The following ZPBP variants were observed in gnomAD, a reference collection of about 807,000 sequenced individuals.
The protein encoded by ZPBP is zona pellucida binding protein, also known as zona pellucida-binding protein 1.
Under a neutral mutation model 44.8 loss-of-function variants are expected in ZPBP, and 26 were observed. The observed-to-expected ratio is 0.58, with a 90% CI of 0.43 to 0.81. The LOEUF (loss-of-function observed/expected upper bound fraction) is 0.81. Among genes scored for constraint, ZPBP ranks in the 30% least tolerant of loss-of-function variants. ZPBP has a pLI of 0.00. For synonymous variants in ZPBP, 174 were observed against 153.2 expected (o/e 1.14, Z -1.00); for missense variants, 409 against 434.0 (o/e 0.94, Z 0.51).
chr7:50,036,772 TAGAA>T (rs1799849209), intron 4 of ZPBP, among the ~76,000 whole-genome samples: 1 of 151,436 alleles, frequency 6.6e-6, no homozygotes, highest in South Asian at 2.1e-4. Context: ...ACCCAAAAAA[TAGAA>T]AGAAAATAAG....
intron 4 of ZPBP, 83 bp downstream of exon 4, chr7:50,057,906 C>G (rs1801045420): frequency 7.8e-7 from 1 of 1,282,078 alleles, no homozygotes; most frequent in Non-Finnish European, 1.1e-6. Context: ...TAACAAAGTC[C>G]CTTTAAGACA....
intron 3 of ZPBP, among the ~76,000 whole-genome samples, chr7:50,069,872 G>A (rs757691670): frequency 1.1e-4 from 16 of 152,076 alleles, no homozygotes; most frequent in Middle Eastern, 6.8e-3. Flanking sequence ...CTTATGCAAC[G>A]TCCTCAGTCT....
intron 2 of ZPBP, 73 bp from the exon 3 acceptor site, chr7:50,081,972 T>A: frequency 6.5e-7 from 1 of 1,547,398 alleles, no homozygotes; most frequent in Admixed American, 1.8e-5. Flanking sequence ...TACACTTTTG[T>A]AGTTTGGGTT....
intron 6 of ZPBP, among the ~76,000 whole-genome samples, chr7:50,011,708 C>A (rs1194483003): frequency 6.6e-6 from 1 of 151,966 alleles, no homozygotes; most frequent in Admixed American, 6.6e-5. Flanking sequence ...TAGGAAAATT[C>A]CCAAAATCTG....
chr7:49,911,956 C>A, intron 1 of ZPBP: 6 of 1,162,316 alleles, frequency 5.2e-6, no homozygotes, highest in Non-Finnish European at 7.0e-6. Context: ...CATATATATA[C>A]TGTAATGCTT....
chr7:50,089,154 T>C (rs1202176471), intron 2 of ZPBP, among the ~76,000 whole-genome samples: 1 of 152,086 alleles, frequency 6.6e-6, no homozygotes, highest in Non-Finnish European at 1.5e-5. Context: ...ATAGGGGCAA[T>C]GGTTGCCTAA....
chr7:49,905,417 CA>C (rs1332308679), intron 1 of ZPBP, among the ~76,000 whole-genome samples: 1 of 152,122 alleles, frequency 6.6e-6, no homozygotes, highest in Non-Finnish European at 1.5e-5. Context: ...ACTAAATAAA[CA>C]AAAAGGAAGC....
In ZPBP at chr7:50,081,772, A is replaced by G. The variant is rs1802366024; in HGVS notation, c.334+2T>C. ...ATTACAATAATTGAAACAAAATCCT[A>G]CCTGAAACAACTTTTCCTTTAGGCC... On this transcript the variant is annotated splice_donor_variant, in intron 3 of 7. Transcript: ENST00000046087. LOFTEE classifies it high-confidence loss of function. 1.2e-6 allele frequency: 2 copies of G among 1,610,764 alleles called. No homozygotes were observed. Among genetic ancestry groups the G allele is most frequent in the Non-Finnish European group, 1.7e-6 (2 of 1,177,834 alleles).
rs561209863 is a variant in ZPBP, at chr7:50,005,342, T to G, written c.783+12898A>C. 2.0e-5 allele frequency among the ~76,000 whole-genome samples: 3 copies of G among 151,990 alleles called. No individual in the cohort carries two copies. In the South Asian group the frequency reaches 6.2e-4, roughly 31 times the overall value. ...TATAAAGTAATTCTGTAAACAAAAA[T>G]ATATAGAAAAATATAAAACCCTGCA... On this transcript the variant is annotated intron_variant, in intron 6 of 7. Transcript: ENST00000046087.
chr7:49,916,813 C>G (rs1304757052), intron 1 of ZPBP: 1 of 152,152 alleles, frequency 6.6e-6, no homozygotes, highest in Non-Finnish European at 1.5e-5. Context: ...TATCAAATAT[C>G]TAAGTCACAG....
intron 2 of ZPBP, among the ~76,000 whole-genome samples, chr7:49,867,441 C>T (rs551750813): frequency 3.9e-5 from 6 of 152,262 alleles, no homozygotes; most frequent in Non-Finnish European, 4.4e-5. Context: ...AACTGAGAGG[C>T]GGAGGTGGGC....
chr7:50,046,085 G>A lies in ZPBP; in HGVS notation c.487+11904C>T, dbSNP rs182209900. On this transcript the variant is annotated intron_variant, in intron 4 of 7. Coordinates refer to ENST00000046087, the MANE Select transcript of ZPBP (RefSeq NM_007009.3). ...TTAATAAATGGTGTTGGGAAAACTG[G>A]CTAGCCATATGCAGAAAACTGAAAC... Among the ~76,000 whole-genome samples the A allele has an allele frequency of 1.7e-3, 264 of 152,264 alleles. 3 individuals carry two copies. The highest frequency in any genetic ancestry group is 5.9e-3 in the African/African-American group (247 of 41,548).
At chr7:49,845,023 C>G in the ZPBP span, among the ~76,000 whole-genome samples, 1 of 152,110 alleles carries the variant, frequency 6.6e-6, no homozygotes, top group Non-Finnish European at 1.5e-5. Context: ...TTCACTTTTC[C>G]TTTTTCAAAA....
chr7:50,048,258 A>G (rs1800486841), intron 4 of ZPBP, among the ~76,000 whole-genome samples: 1 of 152,138 alleles, frequency 6.6e-6, no homozygotes, highest in African/African-American at 2.4e-5. Flanking sequence ...GAGGAATTAG[A>G]TAATTCAATA....
At chr7:50,040,507 A>T (rs747101746) in intron 4 of ZPBP, among the ~76,000 whole-genome samples, 1 of 152,186 alleles carries the variant, frequency 6.6e-6, no homozygotes, top group Non-Finnish European at 1.5e-5. Flanking sequence ...AATGCAGCCT[A>T]CAGTGGGCGA....
At chr7:49,947,057 A>T (rs1336950756) in intron 7 of ZPBP, among the ~76,000 whole-genome samples, 1 of 151,748 alleles carries the variant, frequency 6.6e-6, no homozygotes, top group African/African-American at 2.4e-5. Context: ...AATTATTTCA[A>T]TTTCTTTGTT....
At chr7:49,956,479 A>G (rs967484513) in intron 7 of ZPBP, among the ~76,000 whole-genome samples, 2 of 152,110 alleles carry the variant, frequency 1.3e-5, no homozygotes, top group East Asian at 3.8e-4. Flanking sequence ...AAAAACTATT[A>G]TGTTTCTAAG....
chr7:49,859,157 A>G (rs1306848584), intron 2 of ZPBP, among the ~76,000 whole-genome samples: 1 of 152,224 alleles, frequency 6.6e-6, no homozygotes, highest in Admixed American at 6.5e-5. Flanking sequence ...AACGTTACTC[A>G]GCAATACCAA....
chr7:49,950,643 AT>A (rs530749834), intron 7 of ZPBP, among the ~76,000 whole-genome samples: 13 of 151,782 alleles, frequency 8.6e-5, no homozygotes, highest in Admixed American at 6.6e-5. Flanking sequence ...ACAAATTAAT[AT>A]GGTATATACC....
Sources: gnomAD v4.1 joint callset for allele counts (sites outside exome capture counted in the v4.1 genomes callset) on GRCh38, gnomAD v4.1.1 for gene constraint, MANE v1.5 for transcripts, NCBI Gene and HGNC (gene_info 2026-07-23, HGNC 2026-07-21) for gene names.